The following NALF1 variants were observed in gnomAD, a reference collection of about 807,000 sequenced individuals.
NALF1 encodes the protein NALCN channel auxiliary factor 1.
Under a neutral mutation model 48.4 loss-of-function variants are expected in NALF1, and 3 were observed. That is an observed-to-expected ratio of 0.06 (90% CI 0.03 to 0.16). NALF1 has a LOEUF of 0.16. Among genes scored for constraint, NALF1 ranks in the 10% least tolerant of loss-of-function variants. NALF1 has a pLI of 1.00. For synonymous variants in NALF1, 262 were observed against 245.7 expected (o/e 1.07, Z -0.62); for missense variants, 526 against 571.5 (o/e 0.92, Z 0.81).
chr13:107,469,047 G>A (rs184897707), intron 1 of NALF1, among the ~76,000 whole-genome samples: 1 of 151,996 alleles, frequency 6.6e-6, no homozygotes, highest in African/African-American at 2.4e-5. Flanking sequence ...GGTCTCTGAG[G>A]TTTTACTTTT....
chr13:107,253,187 T>G (rs1594090591), intron 1 of NALF1, among the ~76,000 whole-genome samples: 1 of 121,266 alleles, frequency 8.2e-6, no homozygotes, highest in East Asian at 2.4e-4. Flanking sequence ...TTTTTTTTTT[T>G]TGCAGTAATC....
intron 1 of NALF1, among the ~76,000 whole-genome samples, chr13:107,368,821 T>C (rs901739471): frequency 6.6e-6 from 1 of 152,202 alleles, no homozygotes; most frequent in Non-Finnish European, 1.5e-5. Context: ...TGTGGACATA[T>C]CTTTTGGGGG....
At chr13:107,469,733 CTT>C (rs61241553) in intron 1 of NALF1, among the ~76,000 whole-genome samples, 60 of 79,954 alleles carry the variant, frequency 7.5e-4, no homozygotes, top group African/African-American at 2.9e-3. Flanking sequence ...AACTGTGTAT[CTT>C]TTTTTTTTTT....
rs551282536 is a variant in NALF1, at chr13:107,305,767, T to C, written c.916-95012A>G. On this transcript the variant is annotated intron_variant, in intron 1 of 2. Coordinates refer to ENST00000375915, the MANE Select transcript of NALF1 (RefSeq NM_001080396.3). ...AGACACAAACAATATATATACTGCA[T>C]CTTTCTTTACACCTAAAATTCTAGA... 8.5e-5 allele frequency among the ~76,000 whole-genome samples: 13 copies of C among 152,306 alleles called. No individual in the cohort carries two copies. The East Asian group carries it at 2.5e-3, about 29-fold the overall frequency.
At chr13:107,540,962 T>C (rs1421539141) in intron 1 of NALF1, among the ~76,000 whole-genome samples, 1 of 152,138 alleles carries the variant, frequency 6.6e-6, no homozygotes, top group South Asian at 2.1e-4. Flanking sequence ...GACATACCCC[T>C]GTTAAATTAA....
intron 1 of NALF1, among the ~76,000 whole-genome samples, chr13:107,372,340 T>C (rs150736956): frequency 7.3e-4 from 111 of 152,362 alleles, no homozygotes; most frequent in African/African-American, 2.5e-3. Context: ...CATGCCTCTA[T>C]TGCAACAATT....
At chr13:107,311,363 T>C (rs2138904118) in intron 1 of NALF1, among the ~76,000 whole-genome samples, 1 of 152,288 alleles carries the variant, frequency 6.6e-6, no homozygotes, top group East Asian at 1.9e-4. Context: ...AAAGGATTGA[T>C]ATTGCTTCTT....
chr13:107,668,973 T>C (rs1462226393), intron 1 of NALF1, among the ~76,000 whole-genome samples: 1 of 152,058 alleles, frequency 6.6e-6, no homozygotes, highest in East Asian at 1.9e-4. Context: ...AAATCAGAAA[T>C]CAGTAAACCG....
At chr13:107,347,397 G>A (rs916375909) in intron 1 of NALF1, among the ~76,000 whole-genome samples, 5 of 152,176 alleles carry the variant, frequency 3.3e-5, no homozygotes, top group African/African-American at 1.2e-4. Context: ...ATTTCAAGAG[G>A]ACAGGTCTAA....
chr13:107,801,482 T>C (rs375322345), intron 1 of NALF1, among the ~76,000 whole-genome samples: 4 of 152,290 alleles, frequency 2.6e-5, no homozygotes, highest in Admixed American at 1.3e-4. Context: ...TGTTCTTATA[T>C]ATGAGAAATT....
chr13:107,514,320 G>A (rs1374993714), intron 1 of NALF1, among the ~76,000 whole-genome samples: 1 of 152,140 alleles, frequency 6.6e-6, no homozygotes, highest in Non-Finnish European at 1.5e-5. Flanking sequence ...CAGGTCCAAG[G>A]CAGTATGGGA....
chr13:107,631,332 G>C (rs1236665137), intron 1 of NALF1, among the ~76,000 whole-genome samples: 1 of 152,150 alleles, frequency 6.6e-6, no homozygotes, highest in Admixed American at 6.5e-5. Context: ...CCTTCCGACT[G>C]TGTAGGGGTG....
At chr13:107,525,817 T>C (rs781562145) in intron 1 of NALF1, among the ~76,000 whole-genome samples, 1 of 152,170 alleles carries the variant, frequency 6.6e-6, no homozygotes. Context: ...GTCTGTATTA[T>C]AAACACTTAA....
At chr13:107,216,609 G>A (rs1879878204) in intron 1 of NALF1, among the ~76,000 whole-genome samples, 1 of 152,116 alleles carries the variant, frequency 6.6e-6, no homozygotes, top group Non-Finnish European at 1.5e-5. Context: ...GTTTTCTGGT[G>A]GTGACCCACT....
At chr13:107,208,489 A>C (rs1206640040) in intron 2 of NALF1, among the ~76,000 whole-genome samples, 1 of 152,220 alleles carries the variant, frequency 6.6e-6, no homozygotes, top group Non-Finnish European at 1.5e-5. Flanking sequence ...CATATATTTC[A>C]GATTCACAAA....
At chr13:107,188,181 G>T (rs1001858954) in intron 2 of NALF1, among the ~76,000 whole-genome samples, 5 of 152,052 alleles carry the variant, frequency 3.3e-5, no homozygotes, top group African/African-American at 1.2e-4. Context: ...TTTGAAGTTA[G>T]TATGTTGACT....
intron 1 of NALF1, among the ~76,000 whole-genome samples, chr13:107,429,711 G>C (rs1252448582): frequency 6.6e-6 from 1 of 152,060 alleles, no homozygotes; most frequent in African/African-American, 2.4e-5. Context: ...AGATGATAAA[G>C]ACCGAATCAA....
chr13:107,796,025 T>C (rs540094198), intron 1 of NALF1, among the ~76,000 whole-genome samples: 12 of 152,298 alleles, frequency 7.9e-5, no homozygotes, highest in Non-Finnish European at 1.5e-4. Flanking sequence ...TGTCTTATTG[T>C]AGTCCTAAGC....
chr13:107,706,236 C>T (rs1386402733), intron 1 of NALF1, among the ~76,000 whole-genome samples: 1 of 152,164 alleles, frequency 6.6e-6, no homozygotes, highest in Non-Finnish European at 1.5e-5. Flanking sequence ...CGCAACTCCC[C>T]ACATAAAGGG....
Sources: gnomAD v4.1 joint callset for allele counts (sites outside exome capture counted in the v4.1 genomes callset) on GRCh38, gnomAD v4.1.1 for gene constraint, MANE v1.5 for transcripts, NCBI Gene and HGNC (gene_info 2026-07-23, HGNC 2026-07-21) for gene names.